OR7E24: variants seen among roughly 807,000 people sequenced by gnomAD.
The protein encoded by OR7E24 is olfactory receptor 7E24.
For missense variants in OR7E24, 385 were observed against 410.3 expected (o/e 0.94, Z 0.53); for synonymous variants, 130 against 157.5 (o/e 0.83, Z 1.31).
chr19:9,230,317 T>C, the OR7E24 span, among the ~76,000 whole-genome samples: 6 of 152,256 alleles, frequency 3.9e-5, no homozygotes, highest in East Asian at 3.9e-4. Flanking sequence ...AGTGCTGAGA[T>C]TACAGGTGTG....
the OR7E24 span, chr19:9,219,226 T>C: frequency 9.2e-5 from 14 of 152,248 alleles, no homozygotes; most frequent in African/African-American, 3.1e-4. Flanking sequence ...CTTCCGTGAG[T>C]AGTTAATGAA....
At chr19:9,246,634 A>G (rs540340827), upstream of OR7E24, among the ~76,000 whole-genome samples, 54 of 152,282 alleles carry the variant, frequency 3.5e-4, no homozygotes, top group African/African-American at 1.3e-3. Context: ...GGAGAAACAC[A>G]ATGAGATCCA....
At chr19:9,228,001 CCT>C in the OR7E24 span, among the ~76,000 whole-genome samples, 6 of 152,008 alleles carry the variant, frequency 3.9e-5, no homozygotes, top group Non-Finnish European at 8.8e-5. Flanking sequence ...GATCCGCCCG[CCT>C]CGGCCTCCCA....
At chr19:9,240,698 T>C in the OR7E24 span, among the ~76,000 whole-genome samples, 2 of 152,238 alleles carry the variant, frequency 1.3e-5, no homozygotes, top group Non-Finnish European at 2.9e-5. Flanking sequence ...TTGTTACTCA[T>C]GCTTTCACTG....
chr19:9,235,457 T>C, the OR7E24 span: 1 of 1,606,208 alleles, frequency 6.2e-7, no homozygotes, highest in Non-Finnish European at 8.5e-7. Flanking sequence ...TATTTTTAAA[T>C]GATGTTTGCT....
At chr19:9,229,376 A>C in the OR7E24 span, among the ~76,000 whole-genome samples, 1 of 151,882 alleles carries the variant, frequency 6.6e-6, no homozygotes, top group African/African-American at 2.4e-5. Flanking sequence ...CTAAAAAAAA[A>C]CTACAAAAAT....
chr19:9,233,765 G>A, the OR7E24 span, among the ~76,000 whole-genome samples: 22 of 152,178 alleles, frequency 1.4e-4, no homozygotes, highest in Admixed American at 3.3e-4. Flanking sequence ...TGATATGGCC[G>A]TTGTATGCCA....
At chr19:9,223,594 C>G in the OR7E24 span, among the ~76,000 whole-genome samples, 1 of 151,396 alleles carries the variant, frequency 6.6e-6, no homozygotes, top group South Asian at 2.1e-4. Flanking sequence ...TGCAGTTCCA[C>G]CCTTTGCAGA....
upstream of OR7E24, among the ~76,000 whole-genome samples, chr19:9,248,776 G>A (rs191327784): frequency 1.1e-4 from 16 of 152,306 alleles, no homozygotes; most frequent in Admixed American, 6.5e-4. Flanking sequence ...TCAGGAAACC[G>A]GAAATAGTTT....
chr19:9,216,209 C>T, the OR7E24 span, among the ~76,000 whole-genome samples: 5,334 of 152,282 alleles, frequency 0.035, 291 homozygotes, highest in African/African-American at 0.12. Flanking sequence ...ACCCCACAGT[C>T]ATCATGAACT....
upstream of OR7E24, among the ~76,000 whole-genome samples, chr19:9,248,138 G>C (rs1354308680): frequency 6.6e-6 from 1 of 152,094 alleles, no homozygotes; most frequent in African/African-American, 2.4e-5. Context: ...AGCAAAAAGT[G>C]GGTCCCTCTA....
the OR7E24 span, among the ~76,000 whole-genome samples, chr19:9,221,049 C>T: frequency 7.2e-5 from 11 of 151,930 alleles, no homozygotes; most frequent in African/African-American, 2.4e-4. Context: ...CCTAGACGGG[C>T]GGATCACAGG....
the OR7E24 span, among the ~76,000 whole-genome samples, chr19:9,230,194 G>T: frequency 6.6e-6 from 1 of 152,084 alleles, no homozygotes; most frequent in African/African-American, 2.4e-5. Context: ...ACAGGCAGGC[G>T]CCACTACGCC....
chr19:9,227,978 C>A, the OR7E24 span, among the ~76,000 whole-genome samples: 1 of 151,146 alleles, frequency 6.6e-6, no homozygotes, highest in African/African-American at 2.4e-5. Context: ...TGGTCTCGAT[C>A]TCCTGACCTC....
chr19:9,249,168 T>C (rs1041945056), upstream of OR7E24, among the ~76,000 whole-genome samples: 9 of 152,240 alleles, frequency 5.9e-5, no homozygotes, highest in Non-Finnish European at 1.0e-4. Context: ...TGGTTCCCAA[T>C]GTCTCTGACA....
chr19:9,239,471 A>G, the OR7E24 span, among the ~76,000 whole-genome samples: 1 of 151,760 alleles, frequency 6.6e-6, no homozygotes, highest in South Asian at 2.1e-4. Flanking sequence ...GCACATGGCC[A>G]ACAGTTCAAC....
upstream of OR7E24, among the ~76,000 whole-genome samples, chr19:9,250,373 G>T (rs1337223886): frequency 2.0e-5 from 3 of 152,172 alleles, no homozygotes; most frequent in East Asian, 5.8e-4. Flanking sequence ...AGGATTCCAG[G>T]TGTGAGCCAC....
chr19:9,249,003 C>T (rs190861478), upstream of OR7E24, among the ~76,000 whole-genome samples: 52 of 152,220 alleles, frequency 3.4e-4, no homozygotes, highest in African/African-American at 1.3e-3. Context: ...CTGGTAGATC[C>T]CACTGCAGTG....
the OR7E24 span, among the ~76,000 whole-genome samples, chr19:9,230,535 G>T: frequency 6.6e-6 from 1 of 152,102 alleles, no homozygotes; most frequent in Non-Finnish European, 1.5e-5. Flanking sequence ...TAAACTGTAG[G>T]TTCCTGGTAG....
Sources: allele counts gnomAD v4.1 joint callset (sites outside exome capture counted in the v4.1 genomes callset), GRCh38; gene constraint gnomAD v4.1.1; transcripts MANE v1.5; gene names NCBI Gene and HGNC (gene_info 2026-07-23, HGNC 2026-07-21).